Variants in PAK6 observed in about 807,000 individuals in gnomAD.
The protein encoded by PAK6 is p21 (RAC1) activated kinase 6.
In PAK6, 33 loss-of-function variants were observed where a neutral mutation model predicts 60.8. That is an observed-to-expected ratio of 0.54 (90% confidence interval 0.41 to 0.73). The LOEUF is 0.73. Ranked by LOEUF, PAK6 falls within the 30% of genes least tolerant of loss-of-function variation. PAK6 has a pLI of 0.00. For synonymous variants in PAK6, 404 were observed against 378.5 expected (o/e 1.07, Z -0.78); for missense variants, 845 against 904.1 (o/e 0.93, Z 0.84).
rs111949849 is a variant in PAK6 at position 40,267,923 on chromosome 15, G to A, written c.858+1428G>A. On this transcript the variant is annotated intron_variant, in intron 5 of 10. Transcript: ENST00000560346. ...CTCTGTCTCTCAGGAGTCCTGCTGC[G>A]AGGCCTCAGGGATTTGGAGAAAGGG... Among the ~76,000 whole-genome samples the A allele has an allele frequency of 2.1e-4, 32 of 152,272 alleles. No individual in the cohort carries two copies. In the South Asian group the frequency reaches 3.1e-3, roughly 15 times the overall value.
intron 10 of PAK6, 150 bp downstream of exon 10, chr15:40,274,426 A>T (rs1595605923): frequency 1.2e-6 from 1 of 820,952 alleles, no homozygotes; most frequent in Non-Finnish European, 1.8e-6. Context: ...CAAAACCCGC[A>T]CCTGGGTGTG....
At chr15:40,241,799 C>G (rs1307769139) in intron 2 of PAK6, among the ~76,000 whole-genome samples, 2 of 152,216 alleles carry the variant, frequency 1.3e-5, no homozygotes, top group African/African-American at 2.4e-5. Context: ...AAAGCCCGCT[C>G]TGTGCACAAC....
At chr15:40,258,281 T>G (rs562367136) in intron 3 of PAK6, among the ~76,000 whole-genome samples, 1 of 152,290 alleles carries the variant, frequency 6.6e-6, no homozygotes, top group Non-Finnish European at 1.5e-5. Flanking sequence ...CCGTTTCTGT[T>G]CATAAAGACC....
intron 4 of PAK6, among the ~76,000 whole-genome samples, chr15:40,265,448 A>C (rs1214283634): frequency 6.6e-6 from 1 of 152,124 alleles, no homozygotes; most frequent in East Asian, 1.9e-4. Context: ...GTGTGTGTGG[A>C]GGAGCCCCCG....
intron 3 of PAK6, among the ~76,000 whole-genome samples, chr15:40,260,954 T>G (rs1339906078): frequency 2.6e-5 from 4 of 151,788 alleles, no homozygotes; most frequent in Non-Finnish European, 5.9e-5. Context: ...AGTGGCCTGA[T>G]CTCAGCTCAC....
At chr15:40,265,120 C>T in intron 4 of PAK6, 131 bp downstream of exon 4, 1 of 836,458 alleles carries the variant, frequency 1.2e-6, no homozygotes, top group East Asian at 2.7e-5. Context: ...TGTTTTAACT[C>T]CCTGCCTGTC....
At chr15:40,251,966 G>A (rs2038681602) in intron 2 of PAK6, 1 of 158,266 alleles carries the variant, frequency 6.3e-6, no homozygotes, top group Non-Finnish European at 1.4e-5. Flanking sequence ...TAGCCGCTCT[G>A]GGGGTGCGGG....
chr15:40,247,248 A>G (rs2038520246), intron 2 of PAK6: 1 of 152,278 alleles, frequency 6.6e-6, no homozygotes, highest in Admixed American at 6.5e-5. Context: ...GCCAGCAAAA[A>G]TGCCAGCCAG....
intron 3 of PAK6, among the ~76,000 whole-genome samples, chr15:40,255,801 G>A (rs773601713): frequency 8.5e-5 from 13 of 152,168 alleles, no homozygotes; most frequent in Admixed American, 3.9e-4. Context: ...ATCGCTGAAT[G>A]AGTTCTAGCA....
At chr15:40,247,311 G>A (rs1268836373) in intron 2 of PAK6, 1 of 152,284 alleles carries the variant, frequency 6.6e-6, no homozygotes, top group Non-Finnish European at 1.5e-5. Flanking sequence ...AGGCCATTAA[G>A]AGCAGGCACT....
At chr15:40,257,799 G>A (rs529712034) in intron 3 of PAK6, among the ~76,000 whole-genome samples, 1 of 152,142 alleles carries the variant, frequency 6.6e-6, no homozygotes, top group Admixed American at 6.5e-5. Context: ...GAGGAGGGTG[G>A]CCCACCCACA....
chr15:40,265,707 GAT>G, intron 4 of PAK6, 133 bp from the exon 5 acceptor site: 2 of 703,046 alleles, frequency 2.8e-6, no homozygotes, highest in South Asian at 5.1e-5. Flanking sequence ...TTAATGGGTG[GAT>G]GACACAGCAG....
At chr15:40,252,867 G>GCGCC in intron 2 of PAK6, 1 of 1,251,176 alleles carries the variant, frequency 8.0e-7, no homozygotes, top group Non-Finnish European at 1.0e-6. Context: ...CCCTCCGCGG[G>GCGCC]CGCCCGCCCG....
intron 4 of PAK6, among the ~76,000 whole-genome samples, chr15:40,265,242 G>A (rs1258568850): frequency 1.3e-5 from 2 of 152,218 alleles, no homozygotes; most frequent in Non-Finnish European, 2.9e-5. Context: ...ATGCTCAATT[G>A]CATTTGTATT....
intron 2 of PAK6, among the ~76,000 whole-genome samples, chr15:40,249,497 G>A (rs1440295736): frequency 2.6e-5 from 4 of 152,336 alleles, no homozygotes; most frequent in South Asian, 4.1e-4. Flanking sequence ...TACGGGGCCT[G>A]GCCCACGGGA....
intron 10 of PAK6, among the ~76,000 whole-genome samples, chr15:40,275,280 G>GTTTTT (rs869058525): frequency 0.013 from 728 of 56,408 alleles, 163 homozygotes; most frequent in African/African-American, 0.044. Flanking sequence ...GTTGTTGTTG[G>GTTTTT]TTTTTTTTTT....
In PAK6 at chr15:40,264,973, AG is replaced by A; in HGVS notation, c.189del (p.Gln63HisfsTer5). The A allele has an allele frequency of 6.2e-7, 1 of 1,613,326 alleles. No individual in the cohort carries two copies. The highest frequency in any genetic ancestry group is 8.5e-7 in the Non-Finnish European group (1 of 1,179,916). ...GACCCTTCGCGAATCACACGGGTGCAGCTCCAGCCCATGAAGGTAAGAGGGG... is the reference window on the plus strand; with the variant it reads ...GACCCTTCGCGAATCACACGGGTGCACTCCAGCCCATGAAGGTAAGAGGGG... On this transcript the variant is annotated frameshift_variant, in exon 4 of 11. Coordinates refer to ENST00000560346, the Ensembl canonical transcript of PAK6. LOFTEE classifies it high-confidence loss of function.
chr15:40,247,935 C>A (rs368447971), intron 2 of PAK6, among the ~76,000 whole-genome samples: 10 of 152,296 alleles, frequency 6.6e-5, no homozygotes, highest in African/African-American at 2.4e-4. Context: ...GTCCCTTCTG[C>A]AGCTGTGAGG....
At chr15:40,264,127 C>G (rs1021446425) in intron 3 of PAK6, among the ~76,000 whole-genome samples, 2 of 152,100 alleles carry the variant, frequency 1.3e-5, no homozygotes, top group African/African-American at 2.4e-5. Context: ...CATAATAGTC[C>G]CACACCGGGC....
Sources: gnomAD v4.1 joint callset for allele counts (sites outside exome capture counted in the v4.1 genomes callset) on GRCh38, gnomAD v4.1.1 for gene constraint, MANE v1.5 for transcripts, NCBI Gene and HGNC (gene_info 2026-07-23, HGNC 2026-07-21) for gene names.